Variants in ADGRB3 observed in about 807,000 individuals in gnomAD.
ADGRB3 encodes the protein adhesion G protein-coupled receptor B3, also known as brain-specific angiogenesis inhibitor 3.
Under a neutral mutation model 193.4 loss-of-function variants are expected in ADGRB3, and 37 were observed. That is an observed-to-expected ratio of 0.19 (90% CI 0.15 to 0.25). ADGRB3 has a LOEUF of 0.25. ADGRB3 is among the 10% of genes least tolerant of loss of function. ADGRB3 has a pLI of 1.00. For missense variants in ADGRB3, 1,637 were observed against 1,852.9 expected (o/e 0.88, Z 2.14); for synonymous variants, 690 against 644.2 (o/e 1.07, Z -1.08).
chr6:68,884,084 T>C (rs891794235), intron 3 of ADGRB3, among the ~76,000 whole-genome samples: 1 of 152,234 alleles, frequency 6.6e-6, no homozygotes, highest in African/African-American at 2.4e-5. Context: ...GAGCTCCTTC[T>C]CTCTCTTGCG....
At chr6:69,235,874 A>C (rs1455869798) in intron 19 of ADGRB3, among the ~76,000 whole-genome samples, 2 of 151,994 alleles carry the variant, frequency 1.3e-5, no homozygotes, top group Non-Finnish European at 2.9e-5. Flanking sequence ...ATATAGACAT[A>C]TGGCCAAAGT....
At chr6:68,814,501 C>T (rs1767586312) in intron 3 of ADGRB3, among the ~76,000 whole-genome samples, 1 of 152,104 alleles carries the variant, frequency 6.6e-6, no homozygotes, top group Non-Finnish European at 1.5e-5. Flanking sequence ...TGTAGGTTGC[C>T]TGTTCACTCT....
chr6:69,158,455 A>C (rs1287978410), intron 17 of ADGRB3, among the ~76,000 whole-genome samples: 1 of 151,994 alleles, frequency 6.6e-6, no homozygotes, highest in African/African-American at 2.4e-5. Context: ...AATAAGAAAT[A>C]CAAAATGAGG....
intron 5 of ADGRB3, among the ~76,000 whole-genome samples, chr6:68,939,123 G>A (rs1215542342): frequency 6.6e-6 from 1 of 152,150 alleles, no homozygotes; most frequent in Non-Finnish European, 1.5e-5. Flanking sequence ...GGTGGGATCA[G>A]AGCGCTTCTC....
chr6:68,849,349 T>TA (rs1768351293), intron 3 of ADGRB3, among the ~76,000 whole-genome samples: 3 of 149,818 alleles, frequency 2.0e-5, no homozygotes, highest in Admixed American at 6.6e-5. Context: ...AATTTACAAT[T>TA]CAAAAAAAAA....
chr6:69,283,112 A>C (rs1767470862), intron 20 of ADGRB3, among the ~76,000 whole-genome samples: 1 of 152,192 alleles, frequency 6.6e-6, no homozygotes, highest in Admixed American at 6.5e-5. Flanking sequence ...GGATGTCAGA[A>C]GTGGAATAAA....
chr6:69,268,983 A>C (rs1767111930), intron 20 of ADGRB3, among the ~76,000 whole-genome samples: 1 of 152,124 alleles, frequency 6.6e-6, no homozygotes, highest in Non-Finnish European at 1.5e-5. Context: ...CTTTATAATA[A>C]TCATCATAAA....
At chr6:68,775,145 TAA>T (rs746086066) in intron 3 of ADGRB3, among the ~76,000 whole-genome samples, 8 of 115,634 alleles carry the variant, frequency 6.9e-5, no homozygotes, top group South Asian at 3.0e-4. Flanking sequence ...AGCTGCTTGT[TAA>T]AAAAAAAAAA....
chr6:68,899,025 A>G (rs1404933698), intron 3 of ADGRB3, among the ~76,000 whole-genome samples: 1 of 152,154 alleles, frequency 6.6e-6, no homozygotes, highest in Non-Finnish European at 1.5e-5. Flanking sequence ...TAAAAACAGT[A>G]TGGGCTTCAG....
At chr6:69,141,083 A>C (rs1774323537) in intron 17 of ADGRB3, among the ~76,000 whole-genome samples, 1 of 147,282 alleles carries the variant, frequency 6.8e-6, no homozygotes, top group Non-Finnish European at 1.5e-5. Flanking sequence ...GAAAGAAAGA[A>C]GACAGGAAGT....
At chr6:68,789,458 T>C (rs1210838355) in intron 3 of ADGRB3, among the ~76,000 whole-genome samples, 2 of 152,232 alleles carry the variant, frequency 1.3e-5, no homozygotes, top group Non-Finnish European at 2.9e-5. Context: ...AAAATTCTTT[T>C]CTTTAAGAAT....
At chr6:68,946,304 A>G (rs530567017) in intron 6 of ADGRB3, among the ~76,000 whole-genome samples, 1 of 152,246 alleles carries the variant, frequency 6.6e-6, no homozygotes, top group South Asian at 2.1e-4. Context: ...ATCATCTTAT[A>G]GCTGAACTCA....
chr6:69,276,676 T>A (rs1767309874), intron 20 of ADGRB3, among the ~76,000 whole-genome samples: 1 of 152,194 alleles, frequency 6.6e-6, no homozygotes, highest in East Asian at 1.9e-4. Context: ...TTTCTGAGAA[T>A]GAATAAACGA....
At chr6:69,267,520 C>A (rs1469892038) in intron 20 of ADGRB3, among the ~76,000 whole-genome samples, 1 of 152,006 alleles carries the variant, frequency 6.6e-6, no homozygotes, top group Non-Finnish European at 1.5e-5. Flanking sequence ...GTAAAAGATG[C>A]AGAGTTTAAA....
intron 20 of ADGRB3, among the ~76,000 whole-genome samples, chr6:69,265,470 TG>T (rs1323814020): frequency 6.6e-6 from 1 of 151,946 alleles, no homozygotes; most frequent in Non-Finnish European, 1.5e-5. Context: ...ATGTTCCATA[TG>T]GGGAAGCTGC....
chr6:69,192,366 C>T (rs1029642303), intron 17 of ADGRB3, among the ~76,000 whole-genome samples: 1 of 152,132 alleles, frequency 6.6e-6, no homozygotes, highest in Non-Finnish European at 1.5e-5. Context: ...CCCCATTCTT[C>T]TGCCTGCTTT....
chr6:69,104,305 C>G (rs528903088), intron 17 of ADGRB3, among the ~76,000 whole-genome samples: 1 of 149,672 alleles, frequency 6.7e-6, no homozygotes, highest in African/African-American at 2.5e-5. Flanking sequence ...TTTGTTCTTG[C>G]GATAGTTTAC....
At chr6:69,085,361 T>A (rs1772516276) in intron 17 of ADGRB3, among the ~76,000 whole-genome samples, 1 of 152,128 alleles carries the variant, frequency 6.6e-6, no homozygotes, top group Admixed American at 6.6e-5. Context: ...CACAAGAATT[T>A]TAAAGTAAAA....
intron 3 of ADGRB3, among the ~76,000 whole-genome samples, chr6:68,928,040 G>C (rs984871865): frequency 4.0e-5 from 6 of 151,444 alleles, no homozygotes; most frequent in African/African-American, 1.5e-4. Context: ...TAACTACGGT[G>C]TAGGATATTG....
Sources: allele counts gnomAD v4.1 joint callset (sites outside exome capture counted in the v4.1 genomes callset), GRCh38; gene constraint gnomAD v4.1.1; transcripts MANE v1.5; gene names NCBI Gene and HGNC (gene_info 2026-07-23, HGNC 2026-07-21).